Variants in GPR137C observed in about 807,000 individuals in gnomAD.
GPR137C encodes the protein G protein-coupled receptor 137C.
Under a neutral mutation model 43.4 loss-of-function variants are expected in GPR137C, and 27 were observed. That is an observed-to-expected ratio of 0.62 (90% CI 0.46 to 0.86). The LOEUF (loss-of-function observed/expected upper bound fraction) is 0.86, where lower values mean the gene tolerates loss of function less well. GPR137C is among the 40% of genes least tolerant of loss of function. GPR137C has a pLI of 0.00. For synonymous variants in GPR137C, 285 were observed against 226.9 expected, an observed-to-expected ratio of 1.26 and a Z score of -2.30; for missense variants, 522 against 534.6, an observed-to-expected ratio of 0.98 and a Z score of 0.23.
At position 52,616,996 on chromosome 14, in the gene GPR137C, A is replaced by G. The variant is rs1042081923; in HGVS notation, c.718-15164A>G. 2.0e-5 allele frequency among the ~76,000 whole-genome samples: 3 copies of G among 152,222 alleles called. No individual in the cohort carries two copies. The South Asian group carries it at 6.2e-4, about 32-fold the overall frequency. ...ATGTTGTTGAGGATATTGTCTATAC[A>G]GTGTCTCCAGAAAAGATATTTTGCC... On this transcript the variant is annotated intron_variant, in intron 3 of 6. Coordinates refer to ENST00000321662, the MANE Select transcript of GPR137C (RefSeq NM_001099652.2).
At chr14:52,609,536 A>T (rs1239525762) in intron 3 of GPR137C, among the ~76,000 whole-genome samples, 2 of 152,194 alleles carry the variant, frequency 1.3e-5, no homozygotes, top group Non-Finnish European at 2.9e-5. Flanking sequence ...GGCTTTGTTT[A>T]TGCCTGGCCT....
chr14:52,581,114 T>G (rs2038639703), intron 1 of GPR137C, among the ~76,000 whole-genome samples: 2 of 149,740 alleles, frequency 1.3e-5, no homozygotes, highest in South Asian at 4.2e-4. Flanking sequence ...GAGAATTGCT[T>G]GAACCCGGGC....
At chr14:52,615,066 G>A (rs1016359273) in intron 3 of GPR137C, among the ~76,000 whole-genome samples, 3 of 152,156 alleles carry the variant, frequency 2.0e-5, no homozygotes, top group Non-Finnish European at 2.9e-5. Flanking sequence ...TCCCCAAGTA[G>A]TAGTAGTTTC....
chr14:52,633,201 C>T (rs899851132), intron 4 of GPR137C, among the ~76,000 whole-genome samples: 4 of 152,042 alleles, frequency 2.6e-5, no homozygotes, highest in African/African-American at 9.7e-5. Flanking sequence ...TATGGAGCAG[C>T]TGGAACAGTA....
intron 3 of GPR137C, among the ~76,000 whole-genome samples, chr14:52,614,676 G>A (rs1419457268): frequency 2.0e-5 from 3 of 151,612 alleles, no homozygotes; most frequent in African/African-American, 4.8e-5. Context: ...TTGTAGAGAC[G>A]GGGTCTCGCT....
At chr14:52,592,012 C>G (rs79133846) in intron 1 of GPR137C, among the ~76,000 whole-genome samples, 13,638 of 152,050 alleles carry the variant, frequency 0.09, 675 homozygotes, top group South Asian at 0.15. Flanking sequence ...TAAGGTGTAA[C>G]GAAAGGATCC....
At chr14:52,603,241 C>T (rs1440618440) in intron 3 of GPR137C, among the ~76,000 whole-genome samples, 1 of 152,174 alleles carries the variant, frequency 6.6e-6, no homozygotes, top group African/African-American at 2.4e-5. Context: ...ACATAATGAA[C>T]TCCAGGTCCA....
In GPR137C at chr14:52,635,029, A is replaced by G; in HGVS notation, c.1204A>G (p.Met402Val). 2 of 1,612,822 alleles carry G rather than the reference A, an allele frequency of 1.2e-6. No individual in the cohort carries two copies. The highest frequency in any genetic ancestry group is 1.7e-6 in the Non-Finnish European group (2 of 1,179,334). ...AGTCACTCCCCACCTGAATGGACCTATGACAGATACTGCTCCTTTGCTCTT... is the reference window on the plus strand; with the variant it reads ...AGTCACTCCCCACCTGAATGGACCTGTGACAGATACTGCTCCTTTGCTCTT... The part of the protein sequence containing the change: ...YTVTPHLNGP[M>V]TDTAPLLFTC... Residue 402 changes from methionine to valine, a missense_variant, in exon 7 of 7, where the codon ATG becomes GTG. This residue lies in a region of GPR137C where 67 missense variants were observed against 69.0 expected (regional missense o/e 0.97). Transcript: ENST00000321662.
intron 3 of GPR137C, among the ~76,000 whole-genome samples, chr14:52,628,818 C>A (rs1452776622): frequency 2.6e-5 from 4 of 151,936 alleles, no homozygotes; most frequent in Non-Finnish European, 4.4e-5. Flanking sequence ...AGTTAAAATT[C>A]TTATCAAAGG....
intron 3 of GPR137C, among the ~76,000 whole-genome samples, chr14:52,630,957 C>T (rs2039287280): frequency 6.6e-6 from 1 of 152,162 alleles, no homozygotes; most frequent in African/African-American, 2.4e-5. Flanking sequence ...CAGACTATTA[C>T]AGGTGTGTTG....
intron 3 of GPR137C, among the ~76,000 whole-genome samples, chr14:52,616,870 C>T (rs1317108092): frequency 1.3e-5 from 2 of 152,172 alleles, no homozygotes; most frequent in Non-Finnish European, 2.9e-5. Flanking sequence ...TGGGTAGAGT[C>T]GTCTTTTCTG....
chr14:52,562,044 G>A (rs72684249), intron 1 of GPR137C, among the ~76,000 whole-genome samples: 15,924 of 152,094 alleles, frequency 0.1, 1,185 homozygotes, highest in East Asian at 0.37. Context: ...GCTGAAGCAG[G>A]GAAGAAATGT....
chr14:52,612,030 T>A, intron 3 of GPR137C: 1 of 985,414 alleles, frequency 1.0e-6, no homozygotes, highest in Non-Finnish European at 1.2e-6. Context: ...CTTTTTTGGT[T>A]TTCTTTTGTT....
chr14:52,606,652 G>A (rs907051884), intron 3 of GPR137C, among the ~76,000 whole-genome samples: 6 of 152,006 alleles, frequency 3.9e-5, no homozygotes, highest in African/African-American at 1.2e-4. Flanking sequence ...GGCTGCTAAT[G>A]TTTCTCTTTT....
intron 4 of GPR137C, 51 bp from the exon 5 acceptor site, chr14:52,633,479 T>G: frequency 6.5e-7 from 1 of 1,549,750 alleles, no homozygotes; most frequent in Non-Finnish European, 8.9e-7. Flanking sequence ...TGGAGGTGAT[T>G]GCTTATACAA....
chr14:52,590,513 A>G (rs1175464227), intron 1 of GPR137C, among the ~76,000 whole-genome samples: 1 of 152,220 alleles, frequency 6.6e-6, no homozygotes, highest in Non-Finnish European at 1.5e-5. Context: ...ACTTACCACT[A>G]ACTCACTGAC....
intron 1 of GPR137C, among the ~76,000 whole-genome samples, chr14:52,555,242 ATGAT>A (rs2038175064): frequency 1.3e-5 from 2 of 152,172 alleles, no homozygotes; most frequent in Non-Finnish European, 2.9e-5. Context: ...AATAATATGA[ATGAT>A]TCACTGTAAA....
intron 1 of GPR137C, 123 bp downstream of exon 1, chr14:52,553,714 G>A (rs1332753916): frequency 1.3e-6 from 1 of 783,162 alleles, no homozygotes; most frequent in South Asian, 1.9e-5. Flanking sequence ...AACCAGCCTG[G>A]GGAAACTGAG....
intron 1 of GPR137C, among the ~76,000 whole-genome samples, chr14:52,557,048 C>G (rs1412015146): frequency 6.6e-6 from 1 of 152,158 alleles, no homozygotes; most frequent in Non-Finnish European, 1.5e-5. Context: ...ATTGGTAATA[C>G]TTCAAATAAC....
Sources: allele counts gnomAD v4.1 joint callset (sites outside exome capture counted in the v4.1 genomes callset), GRCh38; gene constraint gnomAD v4.1.1; regional missense constraint gnomAD v4.1.1; transcripts MANE v1.5; gene names NCBI Gene and HGNC (gene_info 2026-07-23, HGNC 2026-07-21).